The following NSD1 variants were observed in gnomAD, a reference collection of about 807,000 sequenced individuals.
NSD1 encodes the protein histone-lysine N-methyltransferase, H3 lysine-36 specific.
In NSD1, 26 loss-of-function variants were observed where a neutral mutation model predicts 242.7. That is an observed-to-expected ratio of 0.11 (90% CI 0.08 to 0.15). The LOEUF is 0.15. NSD1 is among the 10% of genes least tolerant of loss of function. NSD1 has a pLI of 1.00. For synonymous variants in NSD1, 1,106 were observed against 1,178.1 expected, an observed-to-expected ratio of 0.94 and a Z score of 1.25; for missense variants, 2,495 against 3,272.8, an observed-to-expected ratio of 0.76 and a Z score of 5.80.
At chr5:177,203,731 G>A (rs1581290161) in intron 3 of NSD1, among the ~76,000 whole-genome samples, 2 of 144,312 alleles carry the variant, frequency 1.4e-5, no homozygotes, top group African/African-American at 5.0e-5. Flanking sequence ...GTTTTTTTTT[G>A]TATATATATT....
rs1760235679 is a variant in NSD1 at position 177,176,694 on chromosome 5, A to C, written c.928-15190A>C. 4.6e-5 allele frequency among the ~76,000 whole-genome samples: 7 copies of C among 152,248 alleles called. No homozygotes were observed. The South Asian group carries it at 1.4e-3, about 32-fold the overall frequency. ...TCTGGTTATGTCATTACTTTTCCTG[A>C]TTATTGGTACAGTTAAAACCTAGAA... On this transcript the variant is annotated intron_variant, in intron 2 of 22. Coordinates refer to ENST00000439151, the MANE Select transcript of NSD1 (RefSeq NM_022455.5).
At chr5:177,217,347 A>G (rs1312074746) in intron 5 of NSD1, among the ~76,000 whole-genome samples, 2 of 152,242 alleles carry the variant, frequency 1.3e-5, no homozygotes, top group East Asian at 3.9e-4. Context: ...TGTATCTTGG[A>G]ACTTTGCCGA....
chr5:177,240,769 AC>A (rs1562247587), intron 8 of NSD1, among the ~76,000 whole-genome samples: 2 of 152,094 alleles, frequency 1.3e-5, no homozygotes, highest in African/African-American at 4.8e-5. Flanking sequence ...GACTTAGGGA[AC>A]CCGAGGCAGT....
chr5:177,256,849 C>T lies in NSD1; in HGVS notation c.4766-102C>T, dbSNP rs191880146. ...ACAGTGGGTTCAGACGATGTCAAAC[C>T]GATCAGTCCATTATAAAATTTCTTA... On this transcript the variant is annotated intron_variant, in intron 12 of 22. Transcript: ENST00000439151. 1.5e-5 allele frequency: 14 copies of T among 927,724 alleles called. No individual in the cohort carries two copies. The African/African-American group carries it at 2.0e-4, about 13-fold the overall frequency. The allele number at this position is 927,724 out of a possible 1,614,324, so 57.5% of individuals were successfully genotyped here. A position where few individuals can be genotyped will look rare whatever the true frequency, so the allele number is the denominator to read the frequency against.
At chr5:177,232,228 T>TA (rs1765114854) in intron 5 of NSD1, among the ~76,000 whole-genome samples, 1 of 152,200 alleles carries the variant, frequency 6.6e-6, no homozygotes, top group Admixed American at 6.5e-5. Flanking sequence ...GAGACAGTAA[T>TA]ACAACCATAT....
At chr5:177,193,468 G>T (rs1656123507) in intron 3 of NSD1, among the ~76,000 whole-genome samples, 1 of 151,894 alleles carries the variant, frequency 6.6e-6, no homozygotes, top group Non-Finnish European at 1.5e-5. Flanking sequence ...GTAGAGATGG[G>T]GTTTCACCAT....
At chr5:177,202,516 C>T (rs758174313) in intron 3 of NSD1, among the ~76,000 whole-genome samples, 3 of 152,022 alleles carry the variant, frequency 2.0e-5, no homozygotes, top group Non-Finnish European at 4.4e-5. Context: ...ATAGATGGGA[C>T]TACAGGCACA....
chr5:177,252,549 T>G (rs996689302), intron 12 of NSD1, among the ~76,000 whole-genome samples: 6 of 131,044 alleles, frequency 4.6e-5, no homozygotes, highest in African/African-American at 1.8e-4. Context: ...CTTTTTTTTT[T>G]TTTTTTTTTT....
At position 177,238,194 on chromosome 5, in the gene NSD1, A is replaced by T; in HGVS notation, c.3922-43A>T. 6.2e-7 allele frequency: 1 copy of T among 1,610,850 alleles called. No homozygotes were observed. The highest frequency in any genetic ancestry group is 8.5e-7 in the Non-Finnish European group (1 of 1,177,250). ...TATTCTTTTTGACACTTAAATTACAACAATTTTGGCCTGTGGACTCTATTT... is the reference window on the plus strand; with the variant it reads ...TATTCTTTTTGACACTTAAATTACATCAATTTTGGCCTGTGGACTCTATTT... On this transcript the variant is annotated intron_variant, in intron 6 of 22. Transcript: ENST00000439151. This position sits in a 1 kb window ranked among gnomAD's most constrained non-coding sequence, Gnocchi z 4.6.
intron 2 of NSD1, among the ~76,000 whole-genome samples, chr5:177,175,147 A>T (rs546255865): frequency 1.3e-5 from 2 of 152,154 alleles, no homozygotes; most frequent in African/African-American, 4.8e-5. Flanking sequence ...CTGGGATTAT[A>T]GGCGTGAGCC....
chr5:177,293,522 G>T (rs1235539216), intron 22 of NSD1, among the ~76,000 whole-genome samples: 3 of 144,042 alleles, frequency 2.1e-5, no homozygotes, highest in Admixed American at 6.8e-5. Flanking sequence ...ACTTTTTGTT[G>T]TCCCCACCCC....
intron 2 of NSD1, among the ~76,000 whole-genome samples, chr5:177,173,421 G>A (rs1026772856): frequency 6.7e-6 from 1 of 150,266 alleles, no homozygotes; most frequent in Non-Finnish European, 1.5e-5. Context: ...GAGTAATTTC[G>A]AGTGTATGTC....
chr5:177,201,419 G>A (rs1156509741), intron 3 of NSD1, among the ~76,000 whole-genome samples: 1 of 152,096 alleles, frequency 6.6e-6, no homozygotes, highest in Admixed American at 6.6e-5. Context: ...TACAAGTCTG[G>A]TTGCTGCCCA....
chr5:177,151,307 C>G (rs1757677003), intron 2 of NSD1, among the ~76,000 whole-genome samples: 1 of 152,178 alleles, frequency 6.6e-6, no homozygotes, highest in Non-Finnish European at 1.5e-5. Context: ...TGAATTGAAC[C>G]CAGGAGACGG....
chr5:177,217,210 A>G (rs1272668200), intron 5 of NSD1, among the ~76,000 whole-genome samples: 1 of 151,810 alleles, frequency 6.6e-6, no homozygotes, highest in Non-Finnish European at 1.5e-5. Context: ...GTGTACAACC[A>G]TTTCTCCTCC....
intron 2 of NSD1, among the ~76,000 whole-genome samples, chr5:177,180,806 C>T (rs564006292): frequency 6.6e-6 from 1 of 151,736 alleles, no homozygotes; most frequent in African/African-American, 2.4e-5. Context: ...CCTCAGCCTC[C>T]CAAGTAGCTG....
chr5:177,209,814 T>G lies in NSD1; in HGVS notation c.1415T>G (p.Leu472Arg). ...CCTGAGTCAGAACATGACCTGTTGC[T>G]TAATGGCTGTTTGAAATCACTGGCT... ...NDPESEHDLL[L>R]NGCLKSLAFD... Residue 472 changes from leucine to arginine, a missense_variant, in exon 5 of 23, where the codon CTT becomes CGT. Transcript: ENST00000439151. 6.2e-7 allele frequency: 1 copy of G among 1,614,196 alleles called. No individual in the cohort carries two copies. The highest frequency in any genetic ancestry group is 8.5e-7 in the Non-Finnish European group (1 of 1,180,028).
chr5:177,276,195 A>T (rs1399181912), intron 17 of NSD1, among the ~76,000 whole-genome samples: 3 of 151,296 alleles, frequency 2.0e-5, no homozygotes. Context: ...CCTCCCAAAG[A>T]ACTGGGATTA....
chr5:177,286,369 TG>T (rs1759330594), intron 20 of NSD1, among the ~76,000 whole-genome samples: 1 of 152,254 alleles, frequency 6.6e-6, no homozygotes, highest in African/African-American at 2.4e-5. Flanking sequence ...AGCATCACTG[TG>T]CACTGCACTC....
Sources: allele counts gnomAD v4.1 joint callset (sites outside exome capture counted in the v4.1 genomes callset), GRCh38; gene constraint gnomAD v4.1.1; non-coding constraint Gnocchi (gnomAD v3.1); transcripts MANE v1.5; gene names NCBI Gene and HGNC (gene_info 2026-07-23, HGNC 2026-07-21).